PROSER1: variants seen among roughly 807,000 people sequenced by gnomAD.
PROSER1 encodes proline and serine-rich protein 1.
Under a neutral mutation model 71.8 loss-of-function variants are expected in PROSER1, and 36 were observed. The observed-to-expected ratio is 0.50, with a 90% confidence interval of 0.38 to 0.66. The LOEUF is 0.66. Among genes scored for constraint, PROSER1 ranks in the 30% least tolerant of loss-of-function variants. The pLI, the probability that PROSER1 is intolerant of heterozygous loss-of-function variation, is 0.00. For missense variants in PROSER1, 1,107 were observed against 1,135.0 expected, an observed-to-expected ratio of 0.98 and a Z score of 0.35; for synonymous variants, 490 against 452.4, an observed-to-expected ratio of 1.08 and a Z score of -1.06.
chr13:39,023,035 AT>A lies in PROSER1; in HGVS notation c.643+16del, dbSNP rs1431956457. 6.3e-7 allele frequency: 1 copy of A among 1,594,912 alleles called. No homozygotes were observed. Among genetic ancestry groups the A allele is most frequent in the African/African-American group, 1.3e-5 (1 of 74,212 alleles). ...AGCAAAAAAGAAAAACAAGTAAAAA[AT>A]AAGGGAACTCCTTACTTGGTGCAAT... is the stretch of plus-strand genomic sequence containing the variant. On this transcript the variant is annotated intron_variant, in intron 8 of 12. Coordinates refer to ENST00000352251, the MANE Select transcript of PROSER1 (RefSeq NM_025138.5).
intron 9 of PROSER1, 106 bp downstream of exon 9, chr13:39,022,220 A>G (rs1870323731): frequency 5.1e-6 from 4 of 777,100 alleles, no homozygotes; most frequent in Non-Finnish European, 9.1e-6. Context: ...CAGACTCTTG[A>G]GCTTGTGTTC....
chr13:39,012,126 T>G lies in PROSER1; in HGVS notation c.2669A>C (p.Glu890Ala). 1 of 1,614,232 alleles carries G rather than the reference T, an allele frequency of 6.2e-7. No homozygotes were observed. Among genetic ancestry groups the G allele is most frequent in the Non-Finnish European group, 8.5e-7 (1 of 1,180,036 alleles). The change falls in exon 12 of 13, where the codon GAA becomes GCA. Residue 890 changes from glutamate (E) to alanine (A), a missense_variant. Transcript: ENST00000352251. ...PQNPSQSSLQ[E>A]LQHNAAAQSA... is the part of the protein sequence containing the mutation. Reference sequence around the variant, plus strand: ...CTGCGCAGCCGCATTATGCTGTAATTCTTGCAAGGATGATTGTGAAGGATT... The same window carrying G: ...CTGCGCAGCCGCATTATGCTGTAATGCTTGCAAGGATGATTGTGAAGGATT...
intron 6 of PROSER1, among the ~76,000 whole-genome samples, chr13:39,026,019 C>T (rs1870528587): frequency 6.6e-6 from 1 of 152,098 alleles, no homozygotes; most frequent in African/African-American, 2.4e-5. Context: ...AGAACTGTTC[C>T]TTTACTAAAT....
intron 12 of PROSER1, 88 bp from the exon 13 acceptor site, chr13:39,011,575 C>A: frequency 1.5e-6 from 2 of 1,339,354 alleles, no homozygotes; most frequent in Non-Finnish European, 2.0e-6. Context: ...CAGAGATATT[C>A]AGAATAGGAA....
chr13:39,024,870 A>T (rs1001462311), intron 6 of PROSER1, among the ~76,000 whole-genome samples: 3 of 152,176 alleles, frequency 2.0e-5, no homozygotes, highest in African/African-American at 7.2e-5. Context: ...ATACCAAAAT[A>T]CATGGATGCT....
chr13:39,037,437 A>G lies in PROSER1; in HGVS notation c.-195T>C. On this transcript the variant is annotated 5_prime_UTR_variant, in exon 1 of 13. Coordinates refer to ENST00000352251, the MANE Select transcript of PROSER1 (RefSeq NM_025138.5). ...AATTTCTAAAAATTGAGATTCAGAA[A>G]AACTCTTTTTATTAAAAAGAAAAAA... 2 of 573,550 alleles carry G rather than the reference A, an allele frequency of 3.5e-6. No homozygotes were observed. Among genetic ancestry groups the G allele is most frequent in the Non-Finnish European group, 6.2e-6 (2 of 323,280 alleles). The allele number at this position is 573,550 out of a possible 1,614,324, so 35.5% of individuals were successfully genotyped here.
intron 6 of PROSER1, among the ~76,000 whole-genome samples, chr13:39,026,003 A>G (rs1005454440): frequency 6.6e-6 from 1 of 152,310 alleles, no homozygotes; most frequent in African/African-American, 2.4e-5. Flanking sequence ...GAATACTGAG[A>G]ATTTGAGAAC....
rs1870335644 is a variant in PROSER1, at chr13:39,022,383, A to G, written c.673T>C (p.Leu225=). 6.2e-7 allele frequency: 1 copy of G among 1,612,724 alleles called. No individual in the cohort carries two copies. Among genetic ancestry groups the G allele is most frequent in the Non-Finnish European group, 8.5e-7 (1 of 1,178,876 alleles). Reference sequence around the variant, plus strand: ...GGAGGTGGAGCTATGACATTCGCTAATGGTACCAGACCTGCATTGTTATAA... The same window carrying G: ...GGAGGTGGAGCTATGACATTCGCTAGTGGTACCAGACCTGCATTGTTATAA... ...SAYNNAGLVP[L]ANVIAPPPPP... is the part of the protein sequence containing the mutation. Residue 225 remains leucine, a synonymous_variant, in exon 9 of 13, where the codon TTA becomes CTA. Coordinates refer to ENST00000352251, the MANE Select transcript of PROSER1 (RefSeq NM_025138.5).
intron 8 of PROSER1, 191 bp from the exon 9 acceptor site, chr13:39,022,603 A>G (rs1415161339): frequency 1.9e-6 from 1 of 520,718 alleles, no homozygotes; most frequent in Non-Finnish European, 3.4e-6. Context: ...AAATGAAACA[A>G]CCAGAGATTC....
chr13:39,034,298 G>T, intron 1 of PROSER1, 102 bp from the exon 2 acceptor site: 2 of 842,648 alleles, frequency 2.4e-6, no homozygotes, highest in South Asian at 4.6e-5. Flanking sequence ...ACTCAACAGT[G>T]GCAGGTCTAC....
Position 39,013,345 on chromosome 13 carries a change from G to A in PROSER1, c.1907C>T (p.Ser636Leu). ...GNPSHGTLGL[S>L]GTLGRAYTST... Reference sequence around the variant, plus strand: ...AGTATATGCACGGCCCAATGTCCCTGACAAACCTAAAGTGCCATGAGAGGG... The same window carrying A: ...AGTATATGCACGGCCCAATGTCCCTAACAAACCTAAAGTGCCATGAGAGGG... The change falls in exon 11 of 13, where the codon TCA (serine) becomes TTA (leucine). Residue 636 changes from serine (S) to leucine (L), a missense_variant. Transcript: ENST00000352251. 6.2e-7 allele frequency: 1 copy of A among 1,614,216 alleles called. No individual in the cohort carries two copies.
At chr13:39,033,179 C>G (rs1038612669) in intron 2 of PROSER1, among the ~76,000 whole-genome samples, 1 of 152,198 alleles carries the variant, frequency 6.6e-6, no homozygotes, top group Admixed American at 6.5e-5. Flanking sequence ...CTTGGCCTCC[C>G]AAAGTGCTGG....
intron 1 of PROSER1, 69 bp downstream of exon 1, chr13:39,037,129 G>T: frequency 8.5e-7 from 1 of 1,175,294 alleles, no homozygotes; most frequent in Non-Finnish European, 1.3e-6. Flanking sequence ...TCTCCATACA[G>T]TACCTCAAAG....
Position 39,024,493 on chromosome 13 carries a change from T to A in PROSER1, c.544A>T (p.Ile182Phe), listed in dbSNP as rs770718578. ...CATACTGGTTTGGATGGCCCAAGAA[T>A]TCGTGCAGCTATTCCTTTGCCTTCG... Reference protein sequence around the residue: ...TNEGKGIAARILGPSKPPPST... With the variant: ...TNEGKGIAARFLGPSKPPPST... Residue 182 changes from isoleucine (I) to phenylalanine (F), a missense_variant, in exon 7 of 13, where the codon ATT becomes TTT. Physicochemically the swap from Ile to Phe is conservative, Grantham distance 21 (BLOSUM62 0). Transcript: ENST00000352251. 39 of 1,611,538 alleles carry A rather than the reference T, an allele frequency of 2.4e-5. No homozygotes were observed. The South Asian group carries it at 2.8e-4, about 11-fold the overall frequency.
Position 39,034,214 on chromosome 13 carries a change from A to C in PROSER1, c.46-18T>G. 6.4e-7 allele frequency: 1 copy of C among 1,564,576 alleles called. No homozygotes were observed. Among genetic ancestry groups the C allele is most frequent in the Non-Finnish European group, 8.6e-7 (1 of 1,158,016 alleles). ...AAAACAGCCTAAAAAAAAAAAACAC[A>C]CACACACAGAGTAAAACAGCATTAA... On this transcript the variant is annotated intron_variant, in intron 1 of 12. Transcript: ENST00000352251.
intron 1 of PROSER1, among the ~76,000 whole-genome samples, chr13:39,034,861 G>A (rs144039846): frequency 2.0e-4 from 31 of 152,286 alleles, no homozygotes; most frequent in African/African-American, 6.5e-4. Context: ...CATATAACAG[G>A]TATTCAGTAA....
intron 9 of PROSER1, among the ~76,000 whole-genome samples, chr13:39,021,885 A>T (rs1178084422): frequency 2.0e-5 from 3 of 152,224 alleles, no homozygotes. Flanking sequence ...CTAAGATGCC[A>T]CTTGCTATAA....
intron 11 of PROSER1, 188 bp downstream of exon 11, chr13:39,012,503 G>C (rs17058950): frequency 4.4e-5 from 28 of 639,678 alleles, no homozygotes; most frequent in Non-Finnish European, 7.6e-5. Context: ...TCCAAACATT[G>C]TATCAACAGG....
intron 9 of PROSER1, among the ~76,000 whole-genome samples, chr13:39,019,228 G>A (rs1185763607): frequency 4.0e-5 from 6 of 151,830 alleles, no homozygotes; most frequent in Middle Eastern, 3.4e-3. Flanking sequence ...GAGGTCGGGC[G>A]CAGTGGCTCA....
Sources: gnomAD v4.1 joint callset for allele counts (sites outside exome capture counted in the v4.1 genomes callset) on GRCh38, gnomAD v4.1.1 for gene constraint, MANE v1.5 for transcripts, NCBI Gene and HGNC (gene_info 2026-07-23, HGNC 2026-07-21) for gene names.